SDHAF4: variants seen among roughly 807,000 people sequenced by gnomAD.
The protein encoded by SDHAF4 is succinate dehydrogenase complex assembly factor 4.
A neutral mutation model predicts 14.3 loss-of-function variants in SDHAF4; 14 were observed. The observed-to-expected ratio is 0.98, with a 90% confidence interval of 0.65 to 1.53. SDHAF4 has a LOEUF of 1.53. Among genes scored for constraint, SDHAF4 ranks in the 40% most tolerant of loss-of-function variants. SDHAF4 has a pLI of 0.00. For missense variants in SDHAF4, 141 were observed against 129.3 expected, an observed-to-expected ratio of 1.09 and a Z score of -0.44; for synonymous variants, 63 against 47.3, an observed-to-expected ratio of 1.33 and a Z score of -1.36.
At chr6:70,591,232 C>T (rs1275104176), downstream of SDHAF4, among the ~76,000 whole-genome samples, 3 of 151,572 alleles carry the variant, frequency 2.0e-5, no homozygotes, top group Non-Finnish European at 4.4e-5. Flanking sequence ...ATGTTAGCCA[C>T]TTAGAGCAGT....
At chr6:70,590,942 T>C (rs1020345890), downstream of SDHAF4, among the ~76,000 whole-genome samples, 3 of 152,108 alleles carry the variant, frequency 2.0e-5, no homozygotes, top group Admixed American at 1.3e-4. Flanking sequence ...GGAATTATGA[T>C]ATAAATCCAG....
chr6:70,596,195 C>G, the SDHAF4 span, among the ~76,000 whole-genome samples: 1 of 152,184 alleles, frequency 6.6e-6, no homozygotes, highest in Non-Finnish European at 1.5e-5. Context: ...CAGATCTCCT[C>G]CTGTGAGAAG....
downstream of SDHAF4, among the ~76,000 whole-genome samples, chr6:70,589,798 T>C (rs1431951358): frequency 6.6e-6 from 1 of 152,074 alleles, no homozygotes; most frequent in Non-Finnish European, 1.5e-5. Context: ...TATGTGTAAG[T>C]TGGAGATAAT....
intron 2 of SDHAF4, among the ~76,000 whole-genome samples, chr6:70,585,123 T>G (rs1451612166): frequency 2.0e-5 from 3 of 152,188 alleles, no homozygotes; most frequent in Non-Finnish European, 4.4e-5. Flanking sequence ...TCCCCCAAAA[T>G]TCATCTGTTG....
At chr6:70,581,982 G>A (rs185789374) in intron 2 of SDHAF4, among the ~76,000 whole-genome samples, 94 of 152,090 alleles carry the variant, frequency 6.2e-4, no homozygotes, top group Non-Finnish European at 1.2e-3. Context: ...CTCTGCCTCC[G>A]CCCAACACCT....
intron 1 of SDHAF4, among the ~76,000 whole-genome samples, chr6:70,578,320 A>G (rs1802280947): frequency 6.6e-6 from 1 of 152,090 alleles, no homozygotes; most frequent in Non-Finnish European, 1.5e-5. Flanking sequence ...TTTATCTACC[A>G]ATTCGTGATG....
At chr6:70,569,949 A>T (rs938896957) in intron 1 of SDHAF4, among the ~76,000 whole-genome samples, 2 of 151,748 alleles carry the variant, frequency 1.3e-5, no homozygotes, top group African/African-American at 4.8e-5. Context: ...ACCAGTTTTC[A>T]TTTTTTTTCA....
intron 1 of SDHAF4, among the ~76,000 whole-genome samples, chr6:70,567,928 G>C (rs1380815463): frequency 6.6e-6 from 1 of 152,050 alleles, no homozygotes; most frequent in African/African-American, 2.4e-5. Context: ...CTTGTGATCC[G>C]CTCGCCTCGG....
In SDHAF4 at chr6:70,588,737, T is replaced by C. The variant is rs1765231130; in HGVS notation, c.*13T>C. ...TATTGATTTTTAAGTCGCATATTCTTTAACTTCAATATTGTTTTCTGAATA... is the reference window on the plus strand; with the variant it reads ...TATTGATTTTTAAGTCGCATATTCTCTAACTTCAATATTGTTTTCTGAATA... On this transcript the variant is annotated 3_prime_UTR_variant, in exon 3 of 3. Coordinates refer to ENST00000370474, the MANE Select transcript of SDHAF4 (RefSeq NM_145267.3). 1.4e-6 allele frequency: 2 copies of C among 1,443,730 alleles called. No individual in the cohort carries two copies. Among genetic ancestry groups the C allele is most frequent in the African/African-American group, 2.8e-5 (2 of 70,916 alleles). The allele number at this position is 1,443,730 out of a possible 1,614,324, so 89.4% of individuals were successfully genotyped here.
At chr6:70,596,668 G>A in the SDHAF4 span, 6 of 152,268 alleles carry the variant, frequency 3.9e-5, no homozygotes, top group South Asian at 2.1e-4. Context: ...CTGGGAATTT[G>A]TATGTTGATC....
intron 1 of SDHAF4, among the ~76,000 whole-genome samples, chr6:70,570,759 T>C (rs1802169178): frequency 6.6e-6 from 1 of 152,246 alleles, no homozygotes; most frequent in Non-Finnish European, 1.5e-5. Context: ...TGCAGTCATT[T>C]AGATAAAATT....
At chr6:70,595,835 C>CAA in the SDHAF4 span, among the ~76,000 whole-genome samples, 103 of 98,668 alleles carry the variant, frequency 1.0e-3, no homozygotes, top group African/African-American at 1.7e-3. Context: ...GACTCTATCT[C>CAA]AAAAAAAAAA....
At chr6:70,591,092 A>G (rs1765254338), downstream of SDHAF4, among the ~76,000 whole-genome samples, 1 of 152,218 alleles carries the variant, frequency 6.6e-6, no homozygotes, top group Non-Finnish European at 1.5e-5. Flanking sequence ...TGGGAAGGAC[A>G]GTCTACTGAG....
chr6:70,579,841 T>C (rs1453431789), intron 2 of SDHAF4, among the ~76,000 whole-genome samples: 1 of 151,930 alleles, frequency 6.6e-6, no homozygotes, highest in African/African-American at 2.4e-5. Context: ...TGAGACCTTC[T>C]TTGTTACAAA....
chr6:70,568,445 A>G (rs1416588763), intron 1 of SDHAF4, among the ~76,000 whole-genome samples: 2 of 152,182 alleles, frequency 1.3e-5, no homozygotes, highest in African/African-American at 2.4e-5. Context: ...CAACTGTGCA[A>G]TGGTGTTTTT....
At chr6:70,568,378 C>G (rs1254470749) in intron 1 of SDHAF4, among the ~76,000 whole-genome samples, 6 of 152,162 alleles carry the variant, frequency 3.9e-5, no homozygotes, top group Non-Finnish European at 7.3e-5. Context: ...AACTTATACT[C>G]CAATTTAAGA....
downstream of SDHAF4, among the ~76,000 whole-genome samples, chr6:70,592,588 T>C (rs151206962): frequency 2.8e-3 from 430 of 152,304 alleles, 3 homozygotes; most frequent in African/African-American, 9.8e-3. Flanking sequence ...CAGCTACCAA[T>C]TCCAAGGAAT....
downstream of SDHAF4, among the ~76,000 whole-genome samples, chr6:70,594,060 T>A (rs1765281395): frequency 6.6e-6 from 1 of 152,204 alleles, no homozygotes; most frequent in Non-Finnish European, 1.5e-5. Flanking sequence ...TACTCCATTT[T>A]GCTCTCCTAT....
chr6:70,586,209 G>C (rs533832404), intron 2 of SDHAF4, among the ~76,000 whole-genome samples: 1 of 152,144 alleles, frequency 6.6e-6, no homozygotes, highest in East Asian at 1.9e-4. Flanking sequence ...ACTTCTCTAG[G>C]GATTGAATGT....
Sources: gnomAD v4.1 joint callset for allele counts (sites outside exome capture counted in the v4.1 genomes callset) on GRCh38, gnomAD v4.1.1 for gene constraint, MANE v1.5 for transcripts, NCBI Gene and HGNC (gene_info 2026-07-23, HGNC 2026-07-21) for gene names.